Variants in GATA6 observed in about 807,000 individuals in gnomAD.
GATA6 encodes GATA binding protein 6, also known as transcription factor GATA-6.
Under a neutral mutation model 48.1 loss-of-function variants are expected in GATA6, and 11 were observed. That is an observed-to-expected ratio of 0.23 (90% CI 0.14 to 0.38). GATA6 has a LOEUF of 0.38. GATA6 is among the 10% of genes least tolerant of loss of function. GATA6 has a pLI of 1.00. For synonymous variants in GATA6, 419 were observed against 396.1 expected, an observed-to-expected ratio of 1.06 and a Z score of -0.69; for missense variants, 795 against 850.3, an observed-to-expected ratio of 0.93 and a Z score of 0.81.
chr18:22,172,724 A>G lies in GATA6; in HGVS notation c.1135+445A>G, dbSNP rs2033072359. On this transcript the variant is annotated intron_variant, in intron 2 of 6. Coordinates refer to ENST00000269216, the MANE Select transcript of GATA6 (RefSeq NM_005257.6). This position sits in a 1 kb window ranked among gnomAD's most constrained non-coding sequence, Gnocchi z 5.2. ...GTGGCGGGCACTTGATCCACCCCCAAACAGACACACAAGCACATGCAGGCT... is the reference window on the plus strand; with the variant it reads ...GTGGCGGGCACTTGATCCACCCCCAGACAGACACACAAGCACATGCAGGCT... Among the ~76,000 whole-genome samples, 2 of 152,152 alleles carry G rather than the reference A, an allele frequency of 1.3e-5. No homozygotes were observed. Among genetic ancestry groups the G allele is most frequent in the African/African-American group, 2.4e-5 (1 of 41,428 alleles).
intron 6 of GATA6, among the ~76,000 whole-genome samples, chr18:22,195,632 CCT>C (rs1479351188): frequency 8.5e-5 from 13 of 152,130 alleles, no homozygotes; most frequent in Non-Finnish European, 1.8e-4. Flanking sequence ...CAGCTAGTCC[CCT>C]GTTTCTCCCC....
At chr18:22,180,300 TAA>T (rs1248195960) in intron 3 of GATA6, 1 of 152,226 alleles carries the variant, frequency 6.6e-6, no homozygotes, top group Non-Finnish European at 1.5e-5. Context: ...CTTGGCAACT[TAA>T]AAACGAGTTT....
intron 6 of GATA6, among the ~76,000 whole-genome samples, chr18:22,198,373 C>A (rs1032965003): frequency 2.6e-5 from 4 of 152,192 alleles, no homozygotes; most frequent in Non-Finnish European, 5.9e-5. Flanking sequence ...GCCCAGCCTG[C>A]TTATGCTTCT....
intron 6 of GATA6, among the ~76,000 whole-genome samples, chr18:22,199,900 CA>C (rs35638046): frequency 0.025 from 1,711 of 68,376 alleles, 10 homozygotes; most frequent in Middle Eastern, 0.033. Flanking sequence ...GACTCTGTTT[CA>C]AAAAAAAAAA....
At position 22,171,226 on chromosome 18, in the gene GATA6, C is replaced by T; in HGVS notation, c.82C>T (p.Pro28Ser). ...GGACGCCAGCGACTCCAGAGCCTTT[C>T]CAGCGCGGGAGCCCTCCACGCCGCC... Reference protein sequence around the residue: ...GADASDSRAFPAREPSTPPSP... With the variant: ...GADASDSRAFSAREPSTPPSP... Residue 28 changes from proline to serine, a missense_variant, in exon 2 of 7, where the codon CCA (proline) becomes TCA (serine). Transcript: ENST00000269216. This position sits in a 1 kb window ranked among gnomAD's most constrained non-coding sequence, Gnocchi z 7.1. The T allele has an allele frequency of 6.3e-7, 1 of 1,599,592 alleles. No individual in the cohort carries two copies. Among genetic ancestry groups the T allele is most frequent in the South Asian group, 1.1e-5 (1 of 90,990 alleles).
intron 6 of GATA6, among the ~76,000 whole-genome samples, chr18:22,196,535 G>A (rs889892651): frequency 1.3e-5 from 2 of 152,134 alleles, no homozygotes; most frequent in Admixed American, 6.5e-5. Context: ...GAGCTCAGGA[G>A]TTTGAGAACA....
chr18:22,183,586 T>C (rs1428891805), intron 6 of GATA6, among the ~76,000 whole-genome samples: 1 of 152,242 alleles, frequency 6.6e-6, no homozygotes, highest in Non-Finnish European at 1.5e-5. Context: ...CTGGGAGAGC[T>C]TGCCTTCTTC....
intron 6 of GATA6, among the ~76,000 whole-genome samples, chr18:22,198,596 A>G (rs2143340519): frequency 6.6e-6 from 1 of 152,378 alleles, no homozygotes; most frequent in East Asian, 1.9e-4. Flanking sequence ...GAGATGTATC[A>G]TTATAAGGAA....
At chr18:22,184,460 A>G (rs1365137900) in intron 6 of GATA6, among the ~76,000 whole-genome samples, 1 of 151,956 alleles carries the variant, frequency 6.6e-6, no homozygotes, top group Non-Finnish European at 1.5e-5. Flanking sequence ...TGGTAAATAG[A>G]ACATGTTTCT....
In GATA6 at chr18:22,177,962, T is replaced by TG. The variant is rs1169314560; in HGVS notation, c.1302+841_1302+842insG. On this transcript the variant is annotated intron_variant, in intron 3 of 6. Transcript: ENST00000269216. ...TTTTACTGTTTTTTTGTTTTTTTTT[T>TG]TTTTTTTTTTTTTTTTGAGACGGAG... 3.2e-4 allele frequency among the ~76,000 whole-genome samples: 43 copies of TG among 135,280 alleles called. 1 individual carries two copies. Among genetic ancestry groups the TG allele is most frequent in the Middle Eastern group, 3.6e-3 (1 of 274 alleles). The allele number at this position is 135,280 out of a possible 152,430, so 88.7% of individuals were successfully genotyped here.
At chr18:22,173,780 TA>T (rs1379914162) in intron 2 of GATA6, among the ~76,000 whole-genome samples, 1 of 152,212 alleles carries the variant, frequency 6.6e-6, no homozygotes, top group African/African-American at 2.4e-5. Flanking sequence ...TAGCTGGGAT[TA>T]CAGGCGCGCG....
In GATA6 at chr18:22,177,046, C is replaced by T; in HGVS notation, c.1227C>T (p.Tyr409=). The change falls in exon 3 of 7, where the codon TAC becomes TAT. Residue 409 remains tyrosine, a synonymous_variant. Coordinates refer to ENST00000269216, the MANE Select transcript of GATA6 (RefSeq NM_005257.6). ...GGCGGCGGGACGGCACCGGCCACTA[C>T]CTGTGCAACGCCTGCGGGCTCTACA... The part of the protein sequence containing the change: ...PLWRRDGTGH[Y]LCNACGLYSK... The T allele has an allele frequency of 6.3e-7, 1 of 1,578,120 alleles. No individual in the cohort carries two copies. Among genetic ancestry groups the T allele is most frequent in the East Asian group, 2.3e-5 (1 of 42,884 alleles).
At chr18:22,179,356 T>G (rs1398968584) in intron 3 of GATA6, among the ~76,000 whole-genome samples, 1 of 152,162 alleles carries the variant, frequency 6.6e-6, no homozygotes, top group East Asian at 1.9e-4. Flanking sequence ...AAATAAGAGA[T>G]TTATGGTGTA....
chr18:22,183,019 C>T lies in GATA6; in HGVS notation c.1596C>T (p.Pro532=). The T allele has an allele frequency of 1.9e-6, 3 of 1,613,598 alleles. No individual in the cohort carries two copies. The highest frequency in any genetic ancestry group is 2.5e-6 in the Non-Finnish European group (3 of 1,179,544). ...NSDDCSKNTS[P]TTQPTASGAG... ...ATGATTGCAGCAAAAATACTTCCCCCACAACACAACCTACAGCCTCAGGGG... is the reference window on the plus strand; with the variant it reads ...ATGATTGCAGCAAAAATACTTCCCCTACAACACAACCTACAGCCTCAGGGG... Residue 532 remains proline (P), a synonymous_variant, in exon 6 of 7, where the codon CCC becomes CCT. Transcript: ENST00000269216.
chr18:22,176,901 G>A (rs972305122), intron 2 of GATA6, 54 bp from the exon 3 acceptor site: 407 of 1,508,484 alleles, frequency 2.7e-4, no homozygotes, highest in Middle Eastern at 2.3e-3. Flanking sequence ...GTGACGCGGG[G>A]AGGGACGGGT....
chr18:22,171,907 G>T lies in GATA6; in HGVS notation c.763G>T (p.Ala255Ser). 1 of 1,162,798 alleles carries T rather than the reference G, an allele frequency of 8.6e-7. No individual in the cohort carries two copies. Among genetic ancestry groups the T allele is most frequent in the Non-Finnish European group, 1.1e-6 (1 of 944,254 alleles). 72.0% of individuals were successfully genotyped at this position (1,162,798 alleles called of 1,614,324 possible). A position where few individuals can be genotyped will look rare whatever the true frequency, so the allele number is the denominator to read the frequency against. ...CGCGGGGCCTGGCGGCGCTGGCTCA[G>T]CCGCGGCGCACGTCTCGGCGCGCTT... Reference protein sequence around the residue: ...GAAGPGGAGSAAAHVSARFPY... With the variant: ...GAAGPGGAGSSAAHVSARFPY... The change falls in exon 2 of 7, where the codon GCC (alanine) becomes TCC (serine). Residue 255 changes from alanine (A) to serine (S), a missense_variant. Transcript: ENST00000269216. The surrounding 1 kb of genome is among the most constrained non-coding windows in gnomAD (Gnocchi z 7.1).
intron 4 of GATA6, among the ~76,000 whole-genome samples, chr18:22,182,329 ATT>A (rs1342449595): frequency 1.3e-5 from 2 of 149,508 alleles, no homozygotes; most frequent in Non-Finnish European, 3.0e-5. Flanking sequence ...TAAAAATTGG[ATT>A]GAAATTTATG....
chr18:22,191,032 C>CGT (rs57925913), intron 6 of GATA6, among the ~76,000 whole-genome samples: 11,596 of 121,000 alleles, frequency 0.096, 603 homozygotes, highest in Non-Finnish European at 0.14. Flanking sequence ...TTTTAAATCT[C>CGT]GTGTGTGTGT....
rs778157997 is a variant in GATA6 at position 22,200,766 on chromosome 18, G to A, written c.1731G>A (p.Pro577=). The A allele has an allele frequency of 1.9e-6, 3 of 1,613,760 alleles. No homozygotes were observed. Among genetic ancestry groups the A allele is most frequent in the African/African-American group, 1.3e-5 (1 of 74,932 alleles). Residue 577 remains proline (P), a synonymous_variant, in exon 7 of 7, where the codon CCG becomes CCA. Coordinates refer to ENST00000269216, the MANE Select transcript of GATA6 (RefSeq NM_005257.6). Reference sequence around the variant, plus strand: ...ACATAGGCGTCAGTCTCGCCTCGCCGGCCGAAGTCACGTCCTCCGTGCGAC... The same window carrying A: ...ACATAGGCGTCAGTCTCGCCTCGCCAGCCGAAGTCACGTCCTCCGTGCGAC... ...GLYIGVSLAS[P]AEVTSSVRPD...
Sources: allele counts gnomAD v4.1 joint callset (sites outside exome capture counted in the v4.1 genomes callset), GRCh38; gene constraint gnomAD v4.1.1; non-coding constraint Gnocchi (gnomAD v3.1); transcripts MANE v1.5; gene names NCBI Gene and HGNC (gene_info 2026-07-23, HGNC 2026-07-21).